Variants in GC observed in about 807,000 individuals in gnomAD.
GC encodes the protein vitamin D-binding protein.
A neutral mutation model predicts 56.7 loss-of-function variants in GC; 43 were observed. The observed-to-expected ratio is 0.76, with a 90% CI of 0.59 to 0.98. The LOEUF is 0.98. GC is among the 50% of genes least tolerant of loss of function. The pLI is 0.00. For synonymous variants in GC, 216 were observed against 202.7 expected (o/e 1.07, Z -0.56); for missense variants, 529 against 545.9 (o/e 0.97, Z 0.31).
chr4:71,805,379 G>A (rs533048039), upstream of GC, among the ~76,000 whole-genome samples: 3 of 152,160 alleles, frequency 2.0e-5, no homozygotes, highest in Admixed American at 6.5e-5. Flanking sequence ...CTGTTGCTGA[G>A]TTCCTCATAG....
rs36039552 is a variant in GC, at chr4:71,765,623, C to G, written c.282G>C (p.Lys94Asn). 6.2e-7 allele frequency: 1 copy of G among 1,612,554 alleles called. No individual in the cohort carries two copies. Among genetic ancestry groups the G allele is most frequent in the South Asian group, 1.1e-5 (1 of 91,034 alleles). ...GGAATGGAGAATTACTTTCACAGGA[C>G]TTGGCAGACAGTGCTGAGGTCTGGA... ...YDTRTSALSA[K>N]SCESNSPFPV... Residue 94 changes from lysine to asparagine, a missense_variant, in exon 4 of 13, where the codon AAG becomes AAC. By Grantham distance (94) the Lys-to-Asn change is moderately conservative (BLOSUM62 0). Transcript: ENST00000273951.
At chr4:71,757,629 C>T (rs568265921) in intron 7 of GC, among the ~76,000 whole-genome samples, 11 of 152,118 alleles carry the variant, frequency 7.2e-5, no homozygotes, top group Admixed American at 2.0e-4. Context: ...TTGCACTATC[C>T]AATACCATTG....
At chr4:71,759,073 A>G (rs193266272) in intron 6 of GC, among the ~76,000 whole-genome samples, 7 of 152,318 alleles carry the variant, frequency 4.6e-5, no homozygotes, top group Admixed American at 4.6e-4. Flanking sequence ...CACTTAGCAT[A>G]ATGAAAGTCC....
At chr4:71,798,594 A>G (rs1186513453) in intron 1 of GC, among the ~76,000 whole-genome samples, 1 of 152,178 alleles carries the variant, frequency 6.6e-6, no homozygotes, top group Non-Finnish European at 1.5e-5. Flanking sequence ...AAGCACCTCT[A>G]ACTGGGGGGA....
Position 71,765,606 on chromosome 4 carries a change from G to C in GC, c.299C>G (p.Ser100Cys). 5.0e-6 allele frequency: 8 copies of C among 1,613,434 alleles called. No individual in the cohort carries two copies. The highest frequency in any genetic ancestry group is 6.8e-6 in the Non-Finnish European group (8 of 1,179,578). ...ALSAKSCESN[S>C]PFPVHPGTAE... ...AGTGCCTGGGTGAACGGGGAATGGAGAATTACTTTCACAGGACTTGGCAGA... is the reference window on the plus strand; with the variant it reads ...AGTGCCTGGGTGAACGGGGAATGGACAATTACTTTCACAGGACTTGGCAGA... Residue 100 changes from serine to cysteine, a missense_variant, in exon 4 of 13, where the codon TCT becomes TGT. Coordinates refer to ENST00000273951, the MANE Select transcript of GC (RefSeq NM_000583.4).
intron 9 of GC, 96 bp downstream of exon 9, chr4:71,754,882 C>A: frequency 1.4e-6 from 1 of 724,724 alleles, no homozygotes; most frequent in East Asian, 2.9e-5. Context: ...GTTTGTAGGC[C>A]ATAAAAAAGT....
chr4:71,775,645 T>C (rs1742485784), intron 1 of GC, among the ~76,000 whole-genome samples: 1 of 151,604 alleles, frequency 6.6e-6, no homozygotes, highest in Non-Finnish European at 1.5e-5. Flanking sequence ...AAGCAAAAAA[T>C]AGACAAATGG....
At chr4:71,787,018 T>A (rs1329453540), upstream of GC, among the ~76,000 whole-genome samples, 2 of 151,878 alleles carry the variant, frequency 1.3e-5, no homozygotes, top group East Asian at 1.9e-4. Flanking sequence ...AAAATTCTTA[T>A]AGTTCAGCCA....
rs1046765002 is a variant in GC, at chr4:71,790,347, T to A, written c.22-6293A>T. ...TTATACTTAATGATTAAATGGTACA[T>A]CTTTTTACATATTTTTACTTTCAAT... is the stretch of plus-strand genomic sequence containing the variant. On this transcript the variant is annotated intron_variant, in intron 1 of 13. Transcript: ENST00000504199. 2.6e-5 allele frequency among the ~76,000 whole-genome samples: 4 copies of A among 152,140 alleles called. No homozygotes were observed. The East Asian group carries it at 7.7e-4, about 29-fold the overall frequency.
chr4:71,765,678 A>G (rs747116405), intron 3 of GC, 35 bp from the exon 4 acceptor site: 1 of 1,316,366 alleles, frequency 7.6e-7, no homozygotes, highest in Non-Finnish European at 1.1e-6. Flanking sequence ...TCATATATAT[A>G]TGTAAATTTC....
At chr4:71,764,446 T>C (rs1354664306) in intron 4 of GC, among the ~76,000 whole-genome samples, 1 of 152,206 alleles carries the variant, frequency 6.6e-6, no homozygotes, top group Non-Finnish European at 1.5e-5. Context: ...TACAAATTTC[T>C]ATGTGGTTTG....
chr4:71,800,503 C>G (rs1005538223), intron 1 of GC, among the ~76,000 whole-genome samples: 1 of 152,044 alleles, frequency 6.6e-6, no homozygotes, highest in African/African-American at 2.4e-5. Context: ...TGGGTTGGTT[C>G]CATGTCTTTT....
In GC at chr4:71,756,906, T is replaced by C. The variant is rs139919768; in HGVS notation, c.840A>G (p.Glu280=). ...SEDCMAKELP[E]HTVKLCDNLS... is the part of the protein sequence containing the mutation. The stretch of plus-strand genomic sequence containing the variant: ...AATTGTCACAGAGTTTTACTGTGTG[T>C]TCAGGCAGCTACAAAACGAATGGTT... The change falls in exon 8 of 13, where the codon GAA becomes GAG. Residue 280 remains glutamate, a synonymous_variant. Transcript: ENST00000273951. 2.5e-6 allele frequency: 4 copies of C among 1,606,840 alleles called. No homozygotes were observed. Among genetic ancestry groups the C allele is most frequent in the South Asian group, 1.1e-5 (1 of 90,902 alleles).
intron 6 of GC, among the ~76,000 whole-genome samples, chr4:71,759,306 G>T (rs1741889323): frequency 6.6e-6 from 1 of 152,080 alleles, no homozygotes; most frequent in South Asian, 2.1e-4. Flanking sequence ...ACCCAGAAGT[G>T]GAATTGATGG....
At chr4:71,797,238 T>A (rs1358079549) in intron 1 of GC, among the ~76,000 whole-genome samples, 1 of 152,230 alleles carries the variant, frequency 6.6e-6, no homozygotes, top group East Asian at 1.9e-4. Context: ...AGACAGGACA[T>A]TTAAGTCTGC....
chr4:71,804,462 C>G (rs1743318301), upstream of GC, among the ~76,000 whole-genome samples: 1 of 152,168 alleles, frequency 6.6e-6, no homozygotes, highest in East Asian at 1.9e-4. Flanking sequence ...GGACCCCTCC[C>G]CTGGAGCATT....
At chr4:71,780,215 C>A (rs1244540359) in intron 1 of GC, among the ~76,000 whole-genome samples, 2 of 152,082 alleles carry the variant, frequency 1.3e-5, no homozygotes, top group South Asian at 4.2e-4. Context: ...CTTCCTTACA[C>A]CTTATACAAA....
chr4:71,746,115 G>T, intron 12 of GC, 36 bp downstream of exon 12: 4 of 781,408 alleles, frequency 5.1e-6, no homozygotes, highest in Non-Finnish European at 9.2e-6. Flanking sequence ...CTACAATGCT[G>T]GATCCGTTGG....
chr4:71,742,482 C>T (rs1321862826), intron 12 of GC, among the ~76,000 whole-genome samples: 2 of 152,176 alleles, frequency 1.3e-5, no homozygotes, highest in Non-Finnish European at 2.9e-5. Flanking sequence ...AATCTGTTCC[C>T]TCACAGCCTC....
Sources: gnomAD v4.1 joint callset for allele counts (sites outside exome capture counted in the v4.1 genomes callset) on GRCh38, gnomAD v4.1.1 for gene constraint, MANE v1.5 for transcripts, NCBI Gene and HGNC (gene_info 2026-07-23, HGNC 2026-07-21) for gene names.